Variants in BIRC3 observed in about 807,000 individuals in gnomAD.
BIRC3 encodes baculoviral IAP repeat-containing protein 3.
Under a neutral mutation model 59.0 loss-of-function variants are expected in BIRC3, and 26 were observed. The observed-to-expected ratio is 0.44, with a 90% CI of 0.32 to 0.61. The LOEUF is 0.61. Ranked by LOEUF, BIRC3 falls within the 20% of genes least tolerant of loss-of-function variation. BIRC3 has a pLI of 0.04. For synonymous variants in BIRC3, 243 were observed against 249.2 expected (o/e 0.98, Z 0.24); for missense variants, 641 against 711.5 (o/e 0.90, Z 1.13).
At chr11:102,331,649 T>C (rs543299816) in intron 6 of BIRC3, among the ~76,000 whole-genome samples, 4 of 152,112 alleles carry the variant, frequency 2.6e-5, no homozygotes, top group Non-Finnish European at 5.9e-5. Flanking sequence ...TCAGGGACAA[T>C]TATTAATTTT....
chr11:102,323,779 T>C lies in BIRC3; in HGVS notation c.-731T>C, dbSNP rs1951055019. ...GGAGAAAAATTGGGGATATATCATATTTCACTGAATTCAAAATGTCTTCAG... is the reference window on the plus strand; with the variant it reads ...GGAGAAAAATTGGGGATATATCATACTTCACTGAATTCAAAATGTCTTCAG... On this transcript the variant is annotated 5_prime_UTR_variant, in exon 2 of 9. Transcript: ENST00000263464. 5.0e-6 allele frequency: 1 copy of C among 200,172 alleles called. No individual in the cohort carries two copies. The highest frequency in any genetic ancestry group is 2.3e-5 in the African/African-American group (1 of 43,552). 12.4% of individuals were successfully genotyped at this position (200,172 alleles called of 1,614,324 possible).
At chr11:102,330,170 C>T (rs142470050) in intron 5 of BIRC3, among the ~76,000 whole-genome samples, 25 of 152,092 alleles carry the variant, frequency 1.6e-4, no homozygotes, top group African/African-American at 5.3e-4. Context: ...AGGAGTTAAC[C>T]GAGTGACAAA....
At position 102,338,497 on chromosome 11, in the gene BIRC3, A is replaced by C. The variant is rs1273562154; in HGVS notation, c.*1395A>C. 4.4e-6 allele frequency: 1 copy of C among 229,438 alleles called. No individual in the cohort carries two copies. Among genetic ancestry groups the C allele is most frequent in the East Asian group, 6.2e-5 (1 of 16,122 alleles). The allele number at this position is 229,438 out of a possible 1,614,324, so 14.2% of individuals were successfully genotyped here. A position where few individuals can be genotyped will look rare whatever the true frequency, so the allele number is the denominator to read the frequency against. The stretch of plus-strand genomic sequence containing the variant: ...ATTACAGGGGAAACTGTGCATTTTT[A>C]TGCTTAGGTTTGATAATGAATGGAC... On this transcript the variant is annotated 3_prime_UTR_variant, in exon 9 of 9. Transcript: ENST00000263464.
In BIRC3 at chr11:102,325,209, T is replaced by C. The variant is rs768016837; in HGVS notation, c.700T>C (p.Phe234Leu). The change falls in exon 2 of 9, where the codon TTT becomes CTT. Residue 234 changes from phenylalanine to leucine, a missense_variant. Transcript: ENST00000263464. ...CCTGAGACATTTTCCCAAATGCCCATTTATAGAAAATCAGCTTCAAGACAC... is the reference window on the plus strand; with the variant it reads ...CCTGAGACATTTTCCCAAATGCCCACTTATAGAAAATCAGCTTCAAGACAC... ...EHLRHFPKCP[F>L]IENQLQDTSR... is the part of the protein sequence containing the mutation. The C allele has an allele frequency of 5.3e-5, 86 of 1,613,922 alleles. No homozygotes were observed. The highest frequency in any genetic ancestry group is 7.0e-5 in the Non-Finnish European group (83 of 1,179,998).
At chr11:102,321,802 G>T in intron 1 of BIRC3, 35 bp from the exon 2 acceptor site, 3 of 172,576 alleles carry the variant, frequency 1.7e-5, no homozygotes, top group Non-Finnish European at 3.8e-5. Context: ...AGTCGTTTGA[G>T]TTTTAAAACT....
At chr11:102,326,339 T>C (rs1951080068) in intron 3 of BIRC3, among the ~76,000 whole-genome samples, 1 of 152,248 alleles carries the variant, frequency 6.6e-6, no homozygotes, top group African/African-American at 2.4e-5. Flanking sequence ...TAGACTCATC[T>C]CATCTGTTTT....
rs912525213 is a variant in BIRC3, at chr11:102,321,150, G to T, written c.-2673-687G>T. 2.6e-5 allele frequency among the ~76,000 whole-genome samples: 4 copies of T among 152,310 alleles called. No individual in the cohort carries two copies. The East Asian group carries it at 7.7e-4, about 29-fold the overall frequency. On this transcript the variant is annotated intron_variant, in intron 1 of 8. Coordinates refer to ENST00000263464, the MANE Select transcript of BIRC3 (RefSeq NM_001165.5). ...AGCATGGTACAATGTGAATTTTCTG[G>T]TTTCTTTAATTGCACTGTAATTAGG...
At chr11:102,333,985 C>A (rs937232403) in intron 6 of BIRC3, among the ~76,000 whole-genome samples, 1 of 152,082 alleles carries the variant, frequency 6.6e-6, no homozygotes, top group African/African-American at 2.4e-5. Flanking sequence ...GCCTGGTAAT[C>A]CCAGCTACTC....
chr11:102,324,904 G>A lies in BIRC3; in HGVS notation c.395G>A (p.Gly132Glu). 6.2e-7 allele frequency: 1 copy of A among 1,614,160 alleles called. No homozygotes were observed. The highest frequency in any genetic ancestry group is 8.5e-7 in the Non-Finnish European group (1 of 1,180,036). ...HSLLPGTENS[G>E]YFRGSYSNSP... ...TTACTTCCGGGTACAGAAAACAGTGGATATTTCCGTGGCTCTTATTCAAAC... is the reference window on the plus strand; with the variant it reads ...TTACTTCCGGGTACAGAAAACAGTGAATATTTCCGTGGCTCTTATTCAAAC... The change falls in exon 2 of 9, where the codon GGA becomes GAA. Residue 132 changes from glycine to glutamate, a missense_variant. Transcript: ENST00000263464.
At position 102,322,861 on chromosome 11, in the gene BIRC3, T is replaced by C. The variant is rs529572937; in HGVS notation, c.-1649T>C. The C allele has an allele frequency of 2.6e-5, 5 of 194,052 alleles. No homozygotes were observed. In the South Asian group the frequency reaches 1.0e-3, roughly 40 times the overall value. The allele number at this position is 194,052 out of a possible 1,614,324, so 12.0% of individuals were successfully genotyped here. ...TATTATCGACTCAGAACCTCTTTAC[T>C]AATGGCTAGTAAATCATAATTGAGA... On this transcript the variant is annotated 5_prime_UTR_variant, in exon 2 of 9. Coordinates refer to ENST00000263464, the MANE Select transcript of BIRC3 (RefSeq NM_001165.5).
intron 5 of BIRC3, among the ~76,000 whole-genome samples, chr11:102,329,562 G>C (rs977760617): frequency 6.6e-6 from 1 of 152,124 alleles, no homozygotes; most frequent in Non-Finnish European, 1.5e-5. Context: ...TGATAGACTG[G>C]ATTAAGAAAA....
chr11:102,332,180 T>C (rs1289440857), intron 6 of BIRC3, among the ~76,000 whole-genome samples: 1 of 152,182 alleles, frequency 6.6e-6, no homozygotes, highest in African/African-American at 2.4e-5. Context: ...ACAAAAACTC[T>C]TCTGGGCACA....
Position 102,339,282 on chromosome 11 carries a change from G to A in BIRC3, c.*2180G>A, listed in dbSNP as rs17880337. On this transcript the variant is annotated 3_prime_UTR_variant, in exon 9 of 9. Transcript: ENST00000263464. The stretch of plus-strand genomic sequence containing the variant: ...TTTGTCATCTCACTGTAAAACTTTT[G>A]TTCATTTCTCATTATGGTAATAAAT... 6.0e-4 allele frequency: 112 copies of A among 185,962 alleles called. No individual in the cohort carries two copies. The highest frequency in any genetic ancestry group is 2.2e-3 in the African/African-American group (94 of 42,256). 11.5% of individuals were successfully genotyped at this position (185,962 alleles called of 1,614,324 possible).
Position 102,323,786 on chromosome 11 carries a change from G to A in BIRC3, c.-724G>A. ...AATTGGGGATATATCATATTTCACTGAATTCAAAATGTCTTCAGTTGTAAA... is the reference window on the plus strand; with the variant it reads ...AATTGGGGATATATCATATTTCACTAAATTCAAAATGTCTTCAGTTGTAAA... On this transcript the variant is annotated 5_prime_UTR_variant, in exon 2 of 9. Coordinates refer to ENST00000263464, the MANE Select transcript of BIRC3 (RefSeq NM_001165.5). 5.0e-6 allele frequency: 1 copy of A among 200,480 alleles called. No individual in the cohort carries two copies. Among genetic ancestry groups the A allele is most frequent in the East Asian group, 7.8e-5 (1 of 12,810 alleles). 12.4% of individuals were successfully genotyped at this position (200,480 alleles called of 1,614,324 possible).
In BIRC3 at chr11:102,338,328, G is replaced by C. The variant is rs983345847; in HGVS notation, c.*1226G>C. On this transcript the variant is annotated 3_prime_UTR_variant, in exon 9 of 9. Coordinates refer to ENST00000263464, the MANE Select transcript of BIRC3 (RefSeq NM_001165.5). ...TGTCTGTATAGGGGCAGATGGCTCTGTAAGGGCAGAAGGGAAAGACCCCTT... is the reference window on the plus strand; with the variant it reads ...TGTCTGTATAGGGGCAGATGGCTCTCTAAGGGCAGAAGGGAAAGACCCCTT... 4.4e-6 allele frequency: 1 copy of C among 228,348 alleles called. No homozygotes were observed. The allele number at this position is 228,348 out of a possible 1,614,324, so 14.1% of individuals were successfully genotyped here.
At chr11:102,327,427 G>A (rs1951094928) in intron 3 of BIRC3, among the ~76,000 whole-genome samples, 1 of 151,984 alleles carries the variant, frequency 6.6e-6, no homozygotes, top group Non-Finnish European at 1.5e-5. Flanking sequence ...GATCACTTGA[G>A]GTCAGGAGTT....
chr11:102,328,013 A>G lies in BIRC3; in HGVS notation c.954-39A>G, dbSNP rs749977901. ...GTTATTACATTTTCATTTCACTTGT[A>G]TAAATAATCCCTCAAATTTTATTTT... On this transcript the variant is annotated intron_variant, in intron 3 of 8. Transcript: ENST00000263464. The G allele has an allele frequency of 6.7e-6, 10 of 1,484,740 alleles. No individual in the cohort carries two copies. In the South Asian group the frequency reaches 1.1e-4, roughly 16 times the overall value. 92.0% of individuals were successfully genotyped at this position (1,484,740 alleles called of 1,614,324 possible).
At position 102,324,717 on chromosome 11, in the gene BIRC3, G is replaced by A; in HGVS notation, c.208G>A (p.Gly70Ser). Residue 70 changes from glycine to serine, a missense_variant, in exon 2 of 9, where the codon GGC (glycine) becomes AGC (serine). Physicochemically the swap from Gly to Ser is moderately conservative, Grantham distance 56. Transcript: ENST00000263464. ...VNDKVKCFCC[G>S]LMLDNWKRGD... Reference sequence around the variant, plus strand: ...TGACAAGGTCAAATGCTTCTGTTGTGGCCTGATGCTGGATAACTGGAAAAG... The same window carrying A: ...TGACAAGGTCAAATGCTTCTGTTGTAGCCTGATGCTGGATAACTGGAAAAG... The A allele has an allele frequency of 6.2e-7, 1 of 1,614,136 alleles. No individual in the cohort carries two copies. The highest frequency in any genetic ancestry group is 8.5e-7 in the Non-Finnish European group (1 of 1,180,024).
chr11:102,325,536 A>T lies in BIRC3; in HGVS notation c.924A>T (p.Pro308=). The T allele has an allele frequency of 1.2e-6, 2 of 1,612,908 alleles. No individual in the cohort carries two copies. The highest frequency in any genetic ancestry group is 1.7e-6 in the Non-Finnish European group (2 of 1,179,254). Residue 308 remains proline, a synonymous_variant, in exon 3 of 9, where the codon CCA becomes CCT. Coordinates refer to ENST00000263464, the MANE Select transcript of BIRC3 (RefSeq NM_001165.5). ...GGTGTTGGGAATCTGGAGATGATCC[A>T]TGGGTTCAACATGCCAAGTGGTTTC... The part of the protein sequence containing the change: ...GLRCWESGDD[P]WVQHAKWFPR...
Sources: gnomAD v4.1 joint callset for allele counts (sites outside exome capture counted in the v4.1 genomes callset) on GRCh38, gnomAD v4.1.1 for gene constraint, MANE v1.5 for transcripts, NCBI Gene and HGNC (gene_info 2026-07-23, HGNC 2026-07-21) for gene names.